The following DOCK6 variants were observed in gnomAD, a reference collection of about 807,000 sequenced individuals.
DOCK6 encodes dedicator of cytokinesis protein 6.
DOCK6 carries 167 observed loss-of-function variants against 230.3 expected under a neutral mutation model. That is an observed-to-expected ratio of 0.73 (90% CI 0.64 to 0.82). The LOEUF (loss-of-function observed/expected upper bound fraction) is 0.82, where lower values mean the gene tolerates loss of function less well. Ranked by LOEUF, DOCK6 falls within the 40% of genes least tolerant of loss-of-function variation. DOCK6 has a pLI of 0.00. For synonymous variants in DOCK6, 1,148 were observed against 1,185.0 expected (o/e 0.97, Z 0.64); for missense variants, 2,598 against 2,825.8 (o/e 0.92, Z 1.83).
At chr19:11,215,604 C>T (rs2057447327) in intron 31 of DOCK6, 133 bp from the exon 32 acceptor site, 18 of 1,267,760 alleles carry the variant, frequency 1.4e-5, no homozygotes, top group South Asian at 2.7e-5. Flanking sequence ...AGAAGCCTGC[C>T]GGGTGGACGC....
chr19:11,238,906 T>C (rs1211359459), intron 14 of DOCK6: 2 of 155,290 alleles, frequency 1.3e-5, no homozygotes, highest in African/African-American at 2.4e-5. Flanking sequence ...ATAACAACAA[T>C]GACAATAATT....
chr19:11,253,011 G>C, intron 2 of DOCK6, 53 bp from the exon 3 acceptor site: 1 of 1,535,976 alleles, frequency 6.5e-7, no homozygotes. Flanking sequence ...CTGAGAGTGG[G>C]GGCACGAGGC....
At position 11,238,579 on chromosome 19, in the gene DOCK6, C is replaced by T. The variant is rs147986240; in HGVS notation, c.1644-275G>A. The stretch of plus-strand genomic sequence containing the variant: ...AATACAGAAGGACATTGGAGGCACT[C>T]ATGGGGCACAGTGACACACAGAAGG... On this transcript the variant is annotated intron_variant, in intron 14 of 47. Coordinates refer to ENST00000294618, the MANE Select transcript of DOCK6 (RefSeq NM_020812.4). 333 of 438,292 alleles carry T rather than the reference C, an allele frequency of 7.6e-4. 1 individual carries two copies. The East Asian group carries it at 0.012, about 16-fold the overall frequency. The allele number at this position is 438,292 out of a possible 1,614,324, so 27.2% of individuals were successfully genotyped here.
intron 28 of DOCK6, 28 bp downstream of exon 28, chr19:11,221,823 T>A: frequency 1.2e-6 from 2 of 1,613,520 alleles, no homozygotes; most frequent in Non-Finnish European, 1.7e-6. Context: ...CTGGATCATG[T>A]GACCCCATCT....
Position 11,245,648 on chromosome 19 carries a change from C to A in DOCK6, c.938G>T (p.Gly313Val), listed in dbSNP as rs1212297106. Residue 313 changes from glycine to valine, a missense_variant, in exon 9 of 48, where the codon GGC (glycine) becomes GTC (valine). Physicochemically the swap from Gly to Val is moderately radical, Grantham distance 109. Coordinates refer to ENST00000294618, the MANE Select transcript of DOCK6 (RefSeq NM_020812.4). Reference sequence around the variant, plus strand: ...CAGGGTGGAGATGGCAGGGTGGGTGCCATGAGCCCGAAGCAGCCCCTTCAT... The same window carrying A: ...CAGGGTGGAGATGGCAGGGTGGGTGACATGAGCCCGAAGCAGCCCCTTCAT... ...DSMKGLLRAH[G>V]THPAISTLAR... is the part of the protein sequence containing the mutation. 2 of 1,607,454 alleles carry A rather than the reference C, an allele frequency of 1.2e-6. No individual in the cohort carries two copies. Among genetic ancestry groups the A allele is most frequent in the Non-Finnish European group, 1.7e-6 (2 of 1,177,076 alleles).
At chr19:11,238,606 A>G (rs2079889605) in intron 14 of DOCK6, 1 of 357,482 alleles carries the variant, frequency 2.8e-6, no homozygotes, top group Non-Finnish European at 5.3e-6. Context: ...CACAGAAGGC[A>G]GAGAATAGCG....
At chr19:11,254,532 A>G (rs1009569442) in intron 1 of DOCK6, among the ~76,000 whole-genome samples, 2 of 152,176 alleles carry the variant, frequency 1.3e-5, no homozygotes, top group Admixed American at 6.6e-5. Flanking sequence ...TGCCTCTACT[A>G]AAAGTACAAA....
rs2147827473 is a variant in DOCK6, at chr19:11,236,250, A to G, written c.2392+96T>C. The stretch of plus-strand genomic sequence containing the variant: ...CATTTTTCAGATGAGAAAAATGGCC[A>G]GAGAGGTAAATGGGCTTATAGAAGA... On this transcript the variant is annotated intron_variant, in intron 20 of 47. Transcript: ENST00000294618. This position sits in a 1 kb window ranked among gnomAD's most constrained non-coding sequence, Gnocchi z 5.2. The G allele has an allele frequency of 8.5e-7, 1 of 1,183,164 alleles. No individual in the cohort carries two copies. Among genetic ancestry groups the G allele is most frequent in the Admixed American group, 2.6e-5 (1 of 37,956 alleles). The allele number at this position is 1,183,164 out of a possible 1,614,324, so 73.3% of individuals were successfully genotyped here.
intron 24 of DOCK6, among the ~76,000 whole-genome samples, chr19:11,225,998 G>A (rs550937238): frequency 6.4e-4 from 98 of 151,938 alleles, no homozygotes; most frequent in African/African-American, 2.2e-3. Flanking sequence ...AACTATGATC[G>A]CACCACTGCG....
chr19:11,230,312 C>G (rs112838918), intron 22 of DOCK6, among the ~76,000 whole-genome samples: 12,556 of 152,034 alleles, frequency 0.083, 622 homozygotes, highest in African/African-American at 0.12. Context: ...GCACTCCAGC[C>G]TGAGTGATAA....
At chr19:11,210,863 C>T (rs2079372067) in intron 37 of DOCK6, among the ~76,000 whole-genome samples, 1 of 151,640 alleles carries the variant, frequency 6.6e-6, no homozygotes, top group South Asian at 2.1e-4. Context: ...TCACCTGTCT[C>T]CTCACCTGTT....
chr19:11,243,331 C>A lies in DOCK6; in HGVS notation c.1313G>T (p.Ser438Ile), dbSNP rs1197132257. 1 of 1,598,932 alleles carries A rather than the reference C, an allele frequency of 6.3e-7. No homozygotes were observed. The highest frequency in any genetic ancestry group is 2.3e-5 in the East Asian group (1 of 44,104). ...RRRRGPQDRA[S>I]SGDDACSFSG... The stretch of plus-strand genomic sequence containing the variant: ...GAAGCTGCAGGCGTCGTCCCCACTA[C>A]TCGCCCGGTCCTGGGGCCCCCGACG... Residue 438 changes from serine (S) to isoleucine (I), a missense_variant, in exon 12 of 48, where the codon AGT becomes ATT. Transcript: ENST00000294618. This position sits in a 1 kb window ranked among gnomAD's most constrained non-coding sequence, Gnocchi z 6.3.
At chr19:11,245,987 C>T in intron 7 of DOCK6, 109 bp from the exon 8 acceptor site, 1 of 1,222,736 alleles carries the variant, frequency 8.2e-7, no homozygotes, top group Non-Finnish European at 1.2e-6. Flanking sequence ...CACTGGGCCA[C>T]ATGGAACCGC....
At chr19:11,256,470 C>G (rs898312495) in intron 1 of DOCK6, among the ~76,000 whole-genome samples, 10 of 152,104 alleles carry the variant, frequency 6.6e-5, no homozygotes, top group Admixed American at 2.6e-4. Flanking sequence ...GGACTCTGCA[C>G]GGAGAGCCGT....
chr19:11,251,292 TGG>T (rs1229503073), intron 5 of DOCK6: 1 of 577,480 alleles, frequency 1.7e-6, no homozygotes, highest in Non-Finnish European at 3.1e-6. Context: ...TTACCATTGC[TGG>T]GGGAGGCTAC....
At chr19:11,232,795 G>C (rs1444311253) in intron 22 of DOCK6, among the ~76,000 whole-genome samples, 1 of 151,844 alleles carries the variant, frequency 6.6e-6, no homozygotes, top group Non-Finnish European at 1.5e-5. Context: ...ATGCATGTGG[G>C]GGTGAATGTG....
At position 11,248,330 on chromosome 19, in the gene DOCK6, C is replaced by T. The variant is rs915439956; in HGVS notation, c.721-179G>A. On this transcript the variant is annotated intron_variant, in intron 6 of 47. Transcript: ENST00000294618. ...CTGGAATGCCCATCTTCTCCCACTCCTCCTTGTCTCGCTAATGTCTGCTCA... is the reference window on the plus strand; with the variant it reads ...CTGGAATGCCCATCTTCTCCCACTCTTCCTTGTCTCGCTAATGTCTGCTCA... Among the ~76,000 whole-genome samples the T allele has an allele frequency of 5.3e-5, 8 of 152,150 alleles. 1 individual carries two copies. Among genetic ancestry groups the T allele is most frequent in the African/African-American group, 1.9e-4 (8 of 41,426 alleles).
At chr19:11,251,990 C>T in intron 5 of DOCK6, 129 bp downstream of exon 5, 2 of 1,383,028 alleles carry the variant, frequency 1.4e-6, no homozygotes, top group Non-Finnish European at 2.0e-6. Flanking sequence ...ACTTTTTACT[C>T]ATGGGGACTG....
chr19:11,230,214 C>T (rs1401250338), intron 22 of DOCK6, among the ~76,000 whole-genome samples: 5 of 152,106 alleles, frequency 3.3e-5, no homozygotes, highest in African/African-American at 4.8e-5. Context: ...TGGCAGGCAC[C>T]TGTAATTCCA....
Sources: gnomAD v4.1 joint callset for allele counts (sites outside exome capture counted in the v4.1 genomes callset) on GRCh38, gnomAD v4.1.1 for gene constraint, Gnocchi (gnomAD v3.1) non-coding constraint, MANE v1.5 for transcripts, NCBI Gene and HGNC (gene_info 2026-07-23, HGNC 2026-07-21) for gene names.